CFHR5: variants seen among roughly 807,000 people sequenced by gnomAD.
CFHR5 encodes complement factor H related 5.
In CFHR5, 73 loss-of-function variants were observed where a neutral mutation model predicts 62.9. That is an observed-to-expected ratio of 1.16 (90% confidence interval 0.96 to 1.41). The LOEUF (loss-of-function observed/expected upper bound fraction) is 1.41, where lower values mean the gene tolerates loss of function less well. Ranked by LOEUF, CFHR5 falls within the 40% of genes most tolerant of loss-of-function variation. CFHR5 has a pLI of 0.00. For missense variants in CFHR5, 779 were observed against 679.9 expected (o/e 1.15, Z -1.62); for synonymous variants, 249 against 227.2 (o/e 1.10, Z -0.86).
At chr1:197,004,520 A>T (rs942058646) in intron 8 of CFHR5, 141 bp from the exon 9 acceptor site, 5 of 707,812 alleles carry the variant, frequency 7.1e-6, no homozygotes, top group Non-Finnish European at 9.7e-6. Flanking sequence ...TATGTTTTGA[A>T]TCAGACTTTA....
intron 3 of CFHR5, among the ~76,000 whole-genome samples, chr1:196,985,970 C>T (rs1653672006): frequency 6.6e-6 from 1 of 152,138 alleles, no homozygotes; most frequent in African/African-American, 2.4e-5. Flanking sequence ...TCTTATTGTT[C>T]AAGTTCTCAG....
At chr1:196,985,382 C>A (rs978111741) in intron 3 of CFHR5, among the ~76,000 whole-genome samples, 3 of 152,108 alleles carry the variant, frequency 2.0e-5, no homozygotes, top group African/African-American at 4.8e-5. Context: ...GAAATTTAAA[C>A]CTCTAGAAAT....
chr1:196,992,308 T>C (rs537658419), intron 3 of CFHR5, among the ~76,000 whole-genome samples: 1 of 152,216 alleles, frequency 6.6e-6, no homozygotes, highest in African/African-American at 2.4e-5. Flanking sequence ...GTACAGTCTG[T>C]CACGGGTTTC....
intron 9 of CFHR5, 27 bp downstream of exon 9, chr1:197,004,870 C>A (rs781672682): frequency 1.3e-6 from 2 of 1,545,386 alleles, no homozygotes; most frequent in African/African-American, 2.7e-5. Context: ...CTCTTGGAAT[C>A]TGAGATTTAA....
chr1:197,006,000 A>G (rs530022414), intron 9 of CFHR5, among the ~76,000 whole-genome samples: 21 of 152,326 alleles, frequency 1.4e-4, no homozygotes, highest in Admixed American at 1.1e-3. Context: ...AAGAAAAACT[A>G]GGTTTCAAAG....
At chr1:196,975,924 G>C (rs1217028358), upstream of CFHR5, among the ~76,000 whole-genome samples, 1 of 152,136 alleles carries the variant, frequency 6.6e-6, no homozygotes, top group Non-Finnish European at 1.5e-5. Flanking sequence ...CTGACTGACA[G>C]TGATGAGCCA....
At chr1:196,987,059 T>C (rs897317698) in intron 3 of CFHR5, among the ~76,000 whole-genome samples, 7 of 152,202 alleles carry the variant, frequency 4.6e-5, no homozygotes, top group Non-Finnish European at 8.8e-5. Flanking sequence ...ATGATCGCCA[T>C]TCTAACTGGT....
At chr1:196,996,686 T>C (rs1653998778) in intron 6 of CFHR5, among the ~76,000 whole-genome samples, 1 of 152,116 alleles carries the variant, frequency 6.6e-6, no homozygotes, top group African/African-American at 2.4e-5. Flanking sequence ...AATAGCAATG[T>C]AGCTTGAGTT....
At chr1:196,982,344 A>T (rs891501472) in intron 1 of CFHR5, among the ~76,000 whole-genome samples, 3 of 152,174 alleles carry the variant, frequency 2.0e-5, no homozygotes, top group African/African-American at 7.2e-5. Flanking sequence ...CATATTTCAT[A>T]TCATTCCAAA....
intron 3 of CFHR5, among the ~76,000 whole-genome samples, chr1:196,988,929 A>C (rs913936574): frequency 2.6e-5 from 4 of 152,162 alleles, no homozygotes; most frequent in Non-Finnish European, 5.9e-5. Context: ...TGATTGGAAT[A>C]GTTTCAGAAG....
At position 196,998,249 on chromosome 1, in the gene CFHR5, A is replaced by T. The variant is rs763907002; in HGVS notation, c.1092A>T (p.Arg364Ser). 12 of 1,611,186 alleles carry T rather than the reference A, an allele frequency of 7.4e-6. No homozygotes were observed. The highest frequency in any genetic ancestry group is 9.3e-6 in the Non-Finnish European group (11 of 1,178,376). The change falls in exon 7 of 10, where the codon AGA becomes AGT. Residue 364 changes from arginine to serine, a missense_variant. By Grantham distance (110) the Arg-to-Ser change is moderately radical. Transcript: ENST00000256785. The stretch of plus-strand genomic sequence containing the variant: ...GTTACAGATGTTCAGACATCTTCAG[A>T]TACAGGCACTCAGTCTGTATAAACG... The part of the protein sequence containing the change: ...RIRYRCSDIF[R>S]YRHSVCINGK...
At chr1:196,992,312 G>A (rs1249452838) in intron 3 of CFHR5, among the ~76,000 whole-genome samples, 8 of 152,034 alleles carry the variant, frequency 5.3e-5, no homozygotes, top group Non-Finnish European at 1.5e-5. Flanking sequence ...AGTCTGTCAC[G>A]GGTTTCCTTG....
intron 3 of CFHR5, among the ~76,000 whole-genome samples, chr1:196,993,354 G>C (rs567374040): frequency 6.6e-6 from 1 of 152,102 alleles, no homozygotes; most frequent in Non-Finnish European, 1.5e-5. Flanking sequence ...GAGTGTAGTG[G>C]TGCGATCTCG....
chr1:196,998,128 C>G lies in CFHR5; in HGVS notation c.971C>G (p.Ala324Gly). The G allele has an allele frequency of 1.3e-6, 2 of 1,514,408 alleles. No individual in the cohort carries two copies. Among genetic ancestry groups the G allele is most frequent in the South Asian group, 1.2e-5 (1 of 82,316 alleles). 93.8% of individuals were successfully genotyped at this position (1,514,408 alleles called of 1,614,324 possible). A position where few individuals can be genotyped will look rare whatever the true frequency, so the allele number is the denominator to read the frequency against. ...TTCTATTTAATATTATTTTTTATAG[C>G]AACACACCAACTTAAGAGGTGCAAA... ...GIWTELPMCV[A>G]THQLKRCKIA... The change falls in exon 7 of 10, where the codon GCA (alanine) becomes GGA (glycine). Residue 324 changes from alanine to glycine, a missense_variant and splice_region_variant. Ala to Gly is a moderately conservative substitution (Grantham distance 60). Transcript: ENST00000256785.
chr1:196,989,699 C>G (rs1193273745), intron 3 of CFHR5, among the ~76,000 whole-genome samples: 1 of 152,132 alleles, frequency 6.6e-6, no homozygotes, highest in Non-Finnish European at 1.5e-5. Context: ...TTTCTTAATC[C>G]TGGGTTCTAA....
chr1:196,985,615 T>C (rs957636787), intron 3 of CFHR5, among the ~76,000 whole-genome samples: 11 of 152,224 alleles, frequency 7.2e-5, no homozygotes, highest in Admixed American at 1.3e-4. Context: ...CCATACCTGT[T>C]CATGTCATGA....
At position 196,977,717 on chromosome 1, in the gene CFHR5, G is replaced by C; in HGVS notation, c.53G>C (p.Gly18Ala). Residue 18 changes from glycine to alanine, a missense_variant, in exon 1 of 10, where the codon GGA (glycine) becomes GCA (alanine). Transcript: ENST00000256785. ...ILISWVSTVG[G>A]EGTLCDFPKI... The stretch of plus-strand genomic sequence containing the variant: ...ATCTCATGGGTATCCACTGTTGGGG[G>C]AGAAGGTAAGTTGAAAACAGATCCG... 6.2e-7 allele frequency: 1 copy of C among 1,611,692 alleles called. No homozygotes were observed. The highest frequency in any genetic ancestry group is 8.5e-7 in the Non-Finnish European group (1 of 1,177,956).
chr1:196,989,682 G>T (rs192698156), intron 3 of CFHR5, among the ~76,000 whole-genome samples: 5 of 152,292 alleles, frequency 3.3e-5, no homozygotes, highest in Non-Finnish European at 7.3e-5. Flanking sequence ...GTGCGGTTTT[G>T]AGTGAGTTTC....
At chr1:196,996,300 AC>A (rs939380678) in intron 6 of CFHR5, 99 bp downstream of exon 6, 10 of 917,148 alleles carry the variant, frequency 1.1e-5, no homozygotes, top group Non-Finnish European at 1.8e-5. Flanking sequence ...TTTTATTGAT[AC>A]TGACTCTTCC....
Sources: allele counts gnomAD v4.1 joint callset (sites outside exome capture counted in the v4.1 genomes callset), GRCh38; gene constraint gnomAD v4.1.1; transcripts MANE v1.5; gene names NCBI Gene and HGNC (gene_info 2026-07-23, HGNC 2026-07-21).